The following PARVB variants were observed in gnomAD, a reference collection of about 807,000 sequenced individuals.
PARVB encodes the protein beta-parvin.
Under a neutral mutation model 47.0 loss-of-function variants are expected in PARVB, and 46 were observed. That is an observed-to-expected ratio of 0.98 (90% CI 0.77 to 1.25). PARVB has a LOEUF of 1.25. Among genes scored for constraint, PARVB ranks in the 50% most tolerant of loss-of-function variants. The pLI is 0.00. For missense variants in PARVB, 473 were observed against 471.6 expected (o/e 1.00, Z -0.03); for synonymous variants, 196 against 196.3 (o/e 1.00, Z 0.01).
intron 2 of PARVB, among the ~76,000 whole-genome samples, chr22:44,094,965 G>C (rs1186043506): frequency 2.0e-5 from 3 of 151,422 alleles, no homozygotes; most frequent in African/African-American, 7.3e-5. Flanking sequence ...GGTATGGTGT[G>C]GCGTGGCGTG....
Position 44,168,723 on chromosome 22 carries a change from CG to C in PARVB, c.*47del, listed in dbSNP as rs1220980888. On this transcript the variant is annotated 3_prime_UTR_variant, in exon 13 of 13. Transcript: ENST00000338758. The stretch of plus-strand genomic sequence containing the variant: ...GGCAGGAGTGTCCCAGCAAGAAAGG[CG>C]GCATCCGTCTGTGCCCTGTGCCTTT... 7.4e-7 allele frequency: 1 copy of C among 1,345,394 alleles called. No individual in the cohort carries two copies. Among genetic ancestry groups the C allele is most frequent in the Non-Finnish European group, 1.1e-6 (1 of 935,470 alleles). 83.3% of individuals were successfully genotyped at this position (1,345,394 alleles called of 1,614,324 possible). A position where few individuals can be genotyped will look rare whatever the true frequency, so the allele number is the denominator to read the frequency against.
At chr22:44,078,916 G>A (rs1215205602) in intron 1 of PARVB, among the ~76,000 whole-genome samples, 1 of 152,138 alleles carries the variant, frequency 6.6e-6, no homozygotes, top group Non-Finnish European at 1.5e-5. Flanking sequence ...TAATAGAGAT[G>A]AGGTTTTACC....
At chr22:44,118,931 G>C (rs1280234936) in intron 3 of PARVB, 107 bp from the exon 4 acceptor site, 8 of 778,858 alleles carry the variant, frequency 1.0e-5, no homozygotes, top group South Asian at 1.0e-4. Context: ...TGTGGTCCCG[G>C]TGGTGGCTGC....
chr22:44,026,236 A>G (rs1215425629), intron 1 of PARVB: 1 of 840,250 alleles, frequency 1.2e-6, no homozygotes, highest in Non-Finnish European at 1.4e-6. Context: ...ATGTGTGTCT[A>G]GAAAATTCAG....
At chr22:44,117,742 C>T (rs369133949) in intron 3 of PARVB, among the ~76,000 whole-genome samples, 11 of 152,236 alleles carry the variant, frequency 7.2e-5, no homozygotes, top group South Asian at 6.2e-4. Context: ...TGACAGGGGA[C>T]GGTATATTCT....
At chr22:44,087,862 T>TTC (rs1555901320) in intron 1 of PARVB, among the ~76,000 whole-genome samples, 1 of 147,846 alleles carries the variant, frequency 6.8e-6, no homozygotes, top group Non-Finnish European at 1.5e-5. Flanking sequence ...TTTTTTTTTT[T>TTC]TCTTTTTTCT....
chr22:44,083,418 C>A (rs1468506322), intron 1 of PARVB, among the ~76,000 whole-genome samples: 1 of 152,024 alleles, frequency 6.6e-6, no homozygotes, highest in Non-Finnish European at 1.5e-5. Flanking sequence ...CTTGCGGGGT[C>A]GGGGGGTGCA....
At chr22:44,065,312 T>C (rs778320558) in intron 1 of PARVB, among the ~76,000 whole-genome samples, 6 of 152,050 alleles carry the variant, frequency 3.9e-5, no homozygotes, top group Admixed American at 6.6e-5. Flanking sequence ...TATTACCTTC[T>C]CCCTCATCTT....
At chr22:44,055,678 C>CTCTATATA (rs1438284048) in intron 1 of PARVB, among the ~76,000 whole-genome samples, 140 of 142,754 alleles carry the variant, frequency 9.8e-4, no homozygotes, top group Admixed American at 2.0e-3. Flanking sequence ...CTCTCTCTCT[C>CTCTATATA]TATATATATA....
intron 6 of PARVB, 126 bp downstream of exon 6, chr22:44,133,135 T>G (rs1256708599): frequency 1.7e-6 from 1 of 575,600 alleles, no homozygotes; most frequent in East Asian, 3.1e-5. Context: ...TTTTCCCTTT[T>G]GACAAAATGT....
At chr22:44,142,570 C>T (rs371128630) in intron 8 of PARVB, 3 of 152,062 alleles carry the variant, frequency 2.0e-5, no homozygotes, top group African/African-American at 7.3e-5. Flanking sequence ...TGTATAGCAC[C>T]CTGTGGCCCG....
At chr22:44,043,355 C>G (rs1243051178) in intron 1 of PARVB, among the ~76,000 whole-genome samples, 3 of 152,006 alleles carry the variant, frequency 2.0e-5, no homozygotes, top group Non-Finnish European at 4.4e-5. Context: ...TACTAAAAAT[C>G]ATTGAATTGT....
Position 44,147,927 on chromosome 22 carries a change from G to A in PARVB, c.774+5G>A. On this transcript the variant is annotated splice_donor_5th_base_variant and intron_variant, in intron 9 of 12. Transcript: ENST00000338758. ...AAGCTCAGCGTGGTGAAGAAGGTGA[G>A]CTATTGGTGGGATGTTGGATGTGCT... The A allele has an allele frequency of 6.2e-7, 1 of 1,613,478 alleles. No individual in the cohort carries two copies. The highest frequency in any genetic ancestry group is 2.2e-5 in the East Asian group (1 of 44,870).
At chr22:44,120,811 G>T (rs761435623) in intron 4 of PARVB, among the ~76,000 whole-genome samples, 1 of 151,800 alleles carries the variant, frequency 6.6e-6, no homozygotes, top group Non-Finnish European at 1.5e-5. Flanking sequence ...GAGTAGCTAG[G>T]ACTACAGATG....
At chr22:44,114,984 C>T (rs1159500238) in intron 3 of PARVB, 1 of 109,326 alleles carries the variant, frequency 9.1e-6, no homozygotes, top group African/African-American at 4.4e-5. Context: ...TAAGTAAGGC[C>T]CTGCACCAAC....
intron 1 of PARVB, chr22:44,069,082 G>A (rs551568673): frequency 5.6e-6 from 9 of 1,606,546 alleles, no homozygotes; most frequent in Admixed American, 1.7e-5. Context: ...CTATATGAAC[G>A]GGGTGTGTGC....
At chr22:44,080,779 C>G (rs1359758874) in intron 1 of PARVB, among the ~76,000 whole-genome samples, 1 of 152,210 alleles carries the variant, frequency 6.6e-6, no homozygotes, top group Non-Finnish European at 1.5e-5. Flanking sequence ...AACCCTGATT[C>G]ATTCATTCAT....
intron 11 of PARVB, among the ~76,000 whole-genome samples, chr22:44,159,192 C>T (rs1424864515): frequency 6.6e-6 from 1 of 152,192 alleles, no homozygotes; most frequent in East Asian, 1.9e-4. Flanking sequence ...GACCATCCAG[C>T]GAAGAAGCGC....
chr22:44,139,207 G>GATTA (rs956116835), intron 7 of PARVB: 12 of 152,254 alleles, frequency 7.9e-5, no homozygotes, highest in African/African-American at 2.9e-4. Flanking sequence ...GTGTTTGTTT[G>GATTA]TTTATTTATT....
Sources: allele counts gnomAD v4.1 joint callset (sites outside exome capture counted in the v4.1 genomes callset), GRCh38; gene constraint gnomAD v4.1.1; transcripts MANE v1.5; gene names NCBI Gene and HGNC (gene_info 2026-07-23, HGNC 2026-07-21).